The following PRTG variants were observed in gnomAD, a reference collection of about 807,000 sequenced individuals.
PRTG encodes immunoglobulin superfamily, DCC subclass, member 5.
In PRTG, 67 loss-of-function variants were observed where a neutral mutation model predicts 122.5. The observed-to-expected ratio is 0.55, with a 90% CI of 0.45 to 0.67. The LOEUF is 0.67. Among genes scored for constraint, PRTG ranks in the 30% least tolerant of loss-of-function variants. PRTG has a pLI of 0.00. For missense variants in PRTG, 1,435 were observed against 1,415.4 expected (o/e 1.01, Z -0.22); for synonymous variants, 554 against 501.1 (o/e 1.11, Z -1.41).
At position 55,616,673 on chromosome 15, in the gene PRTG, T is replaced by C. The variant is rs2059143128; in HGVS notation, c.*3339A>G. On this transcript the variant is annotated 3_prime_UTR_variant, in exon 20 of 20. Coordinates refer to ENST00000389286, the MANE Select transcript of PRTG (RefSeq NM_173814.6). ...AAGAAACAACAGTTTAATGTACAACTATATTTGCCTATATGCGGAGGTAAC... is the reference window on the plus strand; with the variant it reads ...AAGAAACAACAGTTTAATGTACAACCATATTTGCCTATATGCGGAGGTAAC... 6.6e-6 allele frequency: 1 copy of C among 152,190 alleles called. No individual in the cohort carries two copies. The allele number at this position is 152,190 out of a possible 1,614,324, so 9.4% of individuals were successfully genotyped here. A position where few individuals can be genotyped will look rare whatever the true frequency, so the allele number is the denominator to read the frequency against.
Position 55,740,390 on chromosome 15 carries a change from G to A in PRTG, c.389C>T (p.Ala130Val). ...AAAACTTAAACACTTACTTGATAAG[G>A]CAAGATGAGCTTTTTGACTAAGAAT... ...GAILSQKAHL[A>V]LSTISAFEVQ... is the part of the protein sequence containing the mutation. Residue 130 changes from alanine (A) to valine (V), a missense_variant, in exon 2 of 20, where the codon GCC (alanine) becomes GTC (valine). By Grantham distance (64) the Ala-to-Val change is moderately conservative. Coordinates refer to ENST00000389286, the MANE Select transcript of PRTG (RefSeq NM_173814.6). The A allele has an allele frequency of 1.2e-6, 2 of 1,601,448 alleles. No individual in the cohort carries two copies. Among genetic ancestry groups the A allele is most frequent in the Non-Finnish European group, 1.7e-6 (2 of 1,172,968 alleles).
chr15:55,658,834 T>A (rs2059394271), intron 11 of PRTG, among the ~76,000 whole-genome samples: 1 of 152,186 alleles, frequency 6.6e-6, no homozygotes, highest in Admixed American at 6.5e-5. Flanking sequence ...TTAAGTTTTG[T>A]GTTTCTGTAT....
At chr15:55,620,862 TCAC>T (rs1426570085) in intron 18 of PRTG, 95 bp from the exon 19 acceptor site, 6 of 1,023,932 alleles carry the variant, frequency 5.9e-6, no homozygotes, top group Non-Finnish European at 8.6e-6. Context: ...ACTATATGCT[TCAC>T]ATTTCCCTTT....
chr15:55,731,504 G>A (rs140840577), intron 2 of PRTG, among the ~76,000 whole-genome samples: 21 of 151,438 alleles, frequency 1.4e-4, no homozygotes, highest in Admixed American at 1.3e-3. Flanking sequence ...CCGAGTAGCT[G>A]GGATTACAGG....
intron 15 of PRTG, among the ~76,000 whole-genome samples, chr15:55,632,509 T>C (rs1230996122): frequency 2.0e-5 from 3 of 152,184 alleles, no homozygotes; most frequent in Non-Finnish European, 4.4e-5. Context: ...ATAAAATCTA[T>C]GGCTCATGAA....
chr15:55,648,514 T>G (rs1182284089), intron 11 of PRTG, among the ~76,000 whole-genome samples: 1 of 152,200 alleles, frequency 6.6e-6, no homozygotes, highest in Non-Finnish European at 1.5e-5. Context: ...TCGTCCGGCA[T>G]TTTACTTGAA....
intron 11 of PRTG, among the ~76,000 whole-genome samples, chr15:55,662,742 G>T (rs959066299): frequency 6.6e-6 from 1 of 152,118 alleles, no homozygotes; most frequent in Non-Finnish European, 1.5e-5. Flanking sequence ...ATTTCAATGA[G>T]ATTTGCTGGA....
In PRTG at chr15:55,620,023, G is replaced by T. The variant is rs375338090; in HGVS notation, c.3442C>A (p.Pro1148Thr). Residue 1148 changes from proline to threonine, a missense_variant, in exon 20 of 20, where the codon CCC becomes ACC. Coordinates refer to ENST00000389286, the MANE Select transcript of PRTG (RefSeq NM_173814.6). ...HLSSVISTTP[P>T]NL Reference sequence around the variant, plus strand: ...TGCCAGTGAAAGAATCAGAGGTTGGGGGGTGTGGTACTTATAACTGAGGAC... The same window carrying T: ...TGCCAGTGAAAGAATCAGAGGTTGGTGGGTGTGGTACTTATAACTGAGGAC... 1 of 1,614,096 alleles carries T rather than the reference G, an allele frequency of 6.2e-7. No homozygotes were observed.
chr15:55,696,169 T>A (rs1448684946), intron 2 of PRTG, among the ~76,000 whole-genome samples: 1 of 151,036 alleles, frequency 6.6e-6, no homozygotes, highest in Admixed American at 6.6e-5. Context: ...GAGGCTGAGG[T>A]AAGAGGATCA....
At chr15:55,676,216 G>A (rs903328536) in intron 8 of PRTG, among the ~76,000 whole-genome samples, 2 of 151,348 alleles carry the variant, frequency 1.3e-5, no homozygotes, top group African/African-American at 4.8e-5. Context: ...ATAATACTGA[G>A]GGCAAAAAAA....
chr15:55,628,008 C>T (rs2059205136), intron 16 of PRTG, among the ~76,000 whole-genome samples: 1 of 152,106 alleles, frequency 6.6e-6, no homozygotes, highest in African/African-American at 2.4e-5. Flanking sequence ...CCAATATGAG[C>T]CTTGCTTTCC....
intron 11 of PRTG, among the ~76,000 whole-genome samples, chr15:55,658,008 C>T (rs1272324830): frequency 2.0e-5 from 3 of 152,196 alleles, no homozygotes; most frequent in Non-Finnish European, 4.4e-5. Context: ...TTACTATCCA[C>T]ACATACACAT....
In PRTG at chr15:55,684,044, A is replaced by G. The variant is rs2059556792; in HGVS notation, c.398-113T>C. 4 of 706,638 alleles carry G rather than the reference A, an allele frequency of 5.7e-6. No individual in the cohort carries two copies. In the South Asian group the frequency reaches 1.1e-4, roughly 20 times the overall value. The allele number at this position is 706,638 out of a possible 1,614,324, so 43.8% of individuals were successfully genotyped here. ...TGAACCCTTGCTTGGATATAAGACC[A>G]ACCTAACTTAACCAGCATGAAGATA... On this transcript the variant is annotated intron_variant, in intron 2 of 19. Coordinates refer to ENST00000389286, the MANE Select transcript of PRTG (RefSeq NM_173814.6).
At chr15:55,738,567 G>A in intron 2 of PRTG, 1 of 697,516 alleles carries the variant, frequency 1.4e-6, no homozygotes. Flanking sequence ...CTAAAAGGTG[G>A]GAAAATAACA....
chr15:55,657,609 G>A (rs1189248564), intron 11 of PRTG, among the ~76,000 whole-genome samples: 1 of 152,062 alleles, frequency 6.6e-6, no homozygotes, highest in Non-Finnish European at 1.5e-5. Context: ...AATGTATCTG[G>A]GATTTTAATT....
At chr15:55,698,112 T>C (rs545059317) in intron 2 of PRTG, among the ~76,000 whole-genome samples, 57 of 152,320 alleles carry the variant, frequency 3.7e-4, no homozygotes, top group African/African-American at 1.3e-3. Flanking sequence ...CTACCAGCTC[T>C]GCGCCCTTAT....
chr15:55,651,915 T>A (rs1398352810), intron 11 of PRTG, among the ~76,000 whole-genome samples: 1 of 152,208 alleles, frequency 6.6e-6, no homozygotes, highest in African/African-American at 2.4e-5. Flanking sequence ...TTTCCCATCC[T>A]TCTATGGAAA....
chr15:55,658,046 G>T (rs959037121), intron 11 of PRTG, among the ~76,000 whole-genome samples: 3 of 151,930 alleles, frequency 2.0e-5, no homozygotes, highest in Non-Finnish European at 4.4e-5. Context: ...TTTATAACCT[G>T]CTTTTAAAAT....
Position 55,612,735 on chromosome 15 carries a change from T to C in PRTG, c.*7277A>G, listed in dbSNP as rs979943086. On this transcript the variant is annotated 3_prime_UTR_variant, in exon 20 of 20. Coordinates refer to ENST00000389286, the MANE Select transcript of PRTG (RefSeq NM_173814.6). The stretch of plus-strand genomic sequence containing the variant: ...ATATATATATATATATATATATATA[T>C]ATATATATATATATGACTTAAATTG... The C allele has an allele frequency of 2.0e-5, 1 of 48,896 alleles. No homozygotes were observed. The highest frequency in any genetic ancestry group is 2.8e-4 in the Admixed American group (1 of 3,624). 3.0% of individuals were successfully genotyped at this position (48,896 alleles called of 1,614,324 possible). A position where few individuals can be genotyped will look rare whatever the true frequency, so the allele number is the denominator to read the frequency against.
Sources: allele counts gnomAD v4.1 joint callset (sites outside exome capture counted in the v4.1 genomes callset), GRCh38; gene constraint gnomAD v4.1.1; transcripts MANE v1.5; gene names NCBI Gene and HGNC (gene_info 2026-07-23, HGNC 2026-07-21).